Variants in RC3H1 observed in about 807,000 individuals in gnomAD.
RC3H1 encodes the protein ring finger and CCCH-type domains 1, also known as roquin-1.
In RC3H1, 50 loss-of-function variants were observed where a neutral mutation model predicts 138.2. The observed-to-expected ratio is 0.36, with a 90% CI of 0.29 to 0.46. The LOEUF (loss-of-function observed/expected upper bound fraction) is 0.46. Among genes scored for constraint, RC3H1 ranks in the 20% least tolerant of loss-of-function variants. RC3H1 has a pLI of 1.00. For missense variants in RC3H1, 1,031 were observed against 1,388.1 expected (o/e 0.74, Z 4.09); for synonymous variants, 462 against 489.1 (o/e 0.94, Z 0.73).
intron 9 of RC3H1, chr1:173,969,262 T>C (rs994863318): frequency 6.6e-6 from 1 of 151,272 alleles, no homozygotes; most frequent in African/African-American, 2.4e-5. Flanking sequence ...TGCAGAGTCA[T>C]GGCATCTATT....
chr1:173,952,138 ACTACAGATGGAG>A lies in RC3H1; in HGVS notation c.2371-12_2371-1del. 1 of 1,531,646 alleles carries A rather than the reference ACTACAGATGGAG, an allele frequency of 6.5e-7. No homozygotes were observed. The allele number at this position is 1,531,646 out of a possible 1,614,324, so 94.9% of individuals were successfully genotyped here. A position where few individuals can be genotyped will look rare whatever the true frequency, so the allele number is the denominator to read the frequency against. On this transcript the variant is annotated splice_acceptor_variant and splice_polypyrimidine_tract_variant and intron_variant, in intron 13 of 19. Transcript: ENST00000367696. LOFTEE classifies it high-confidence loss of function. Reference sequence around the variant, plus strand: ...GCTACCTTCAAGTCTTCATCCAAAAACTACAGATGGAGAAAGAAAAAAAACAAAAAAAAAAAA... The same window carrying A: ...GCTACCTTCAAGTCTTCATCCAAAAAAAAGAAAAAAAACAAAAAAAAAAAA...
intron 7 of RC3H1, among the ~76,000 whole-genome samples, chr1:173,976,452 CAAAA>C (rs575437385): frequency 3.6e-5 from 4 of 111,756 alleles, no homozygotes; most frequent in African/African-American, 1.4e-4. Flanking sequence ...ACTGTATCTC[CAAAA>C]AAAAAAAAAA....
At chr1:173,958,236 G>A (rs768904854) in intron 13 of RC3H1, among the ~76,000 whole-genome samples, 30 of 151,824 alleles carry the variant, frequency 2.0e-4, no homozygotes, top group Non-Finnish European at 3.7e-4. Context: ...AAACAAATAC[G>A]ATTACTTTAA....
chr1:174,003,888 C>T (rs1388467647), intron 1 of RC3H1, among the ~76,000 whole-genome samples: 1 of 151,736 alleles, frequency 6.6e-6, no homozygotes, highest in African/African-American at 2.4e-5. Context: ...GTCTTGATCT[C>T]CTGACCTTGT....
At chr1:173,987,504 TTC>T (rs1271655363) in intron 2 of RC3H1, among the ~76,000 whole-genome samples, 1 of 152,216 alleles carries the variant, frequency 6.6e-6, no homozygotes, top group African/African-American at 2.4e-5. Context: ...TTTTGAATAC[TTC>T]TCTATACTTT....
chr1:173,988,976 C>T (rs1322126814), intron 2 of RC3H1, among the ~76,000 whole-genome samples: 1 of 152,154 alleles, frequency 6.6e-6, no homozygotes, highest in Non-Finnish European at 1.5e-5. Flanking sequence ...CAATTGTTTT[C>T]TCACATTCTG....
Position 173,962,018 on chromosome 1 carries a change from G to T in RC3H1, c.1909C>A (p.Pro637Thr). 1 of 1,614,142 alleles carries T rather than the reference G, an allele frequency of 6.2e-7. No homozygotes were observed. The highest frequency in any genetic ancestry group is 8.5e-7 in the Non-Finnish European group (1 of 1,180,018). The part of the protein sequence containing the change: ...PPPSAPEPAP[P>T]YLDHYPPYLQ... ...TAGGGTGGATAATGATCCAAGTAGG[G>T]AGGAGCAGGTTCAGGAGCAGATGGT... is the stretch of plus-strand genomic sequence containing the variant. Residue 637 changes from proline (P) to threonine (T), a missense_variant, in exon 12 of 20, where the codon CCC becomes ACC. Pro to Thr is a conservative substitution (Grantham distance 38). This residue lies in a region of RC3H1 where 716 missense variants were observed against 837.9 expected (regional missense o/e 0.85). Transcript: ENST00000367696.
intron 2 of RC3H1, among the ~76,000 whole-genome samples, chr1:173,987,680 T>C (rs1027805596): frequency 1.3e-5 from 2 of 152,326 alleles, no homozygotes; most frequent in South Asian, 2.1e-4. Context: ...TTGTTCCTTC[T>C]AGGCCATCTT....
chr1:173,992,117 G>A (rs1023326044), intron 2 of RC3H1, among the ~76,000 whole-genome samples: 1 of 152,022 alleles, frequency 6.6e-6, no homozygotes, highest in East Asian at 1.9e-4. Context: ...TTTTCTCAAT[G>A]TTAAAAAAGG....
intron 1 of RC3H1, among the ~76,000 whole-genome samples, chr1:174,010,705 G>A (rs1410936436): frequency 1.3e-5 from 2 of 151,752 alleles, no homozygotes; most frequent in Non-Finnish European, 2.9e-5. Flanking sequence ...ACACAGCAAC[G>A]GTTTAACTGA....
chr1:173,989,146 C>A (rs1661158546), intron 2 of RC3H1, among the ~76,000 whole-genome samples: 1 of 152,208 alleles, frequency 6.6e-6, no homozygotes, highest in Admixed American at 6.5e-5. Flanking sequence ...GATGCTGCCA[C>A]CTCAGCCTCA....
intron 13 of RC3H1, among the ~76,000 whole-genome samples, chr1:173,956,974 T>C (rs575213423): frequency 2.6e-5 from 4 of 151,616 alleles, no homozygotes; most frequent in African/African-American, 9.7e-5. Context: ...AGTGCAGTGG[T>C]GCGATCTCGG....
intron 13 of RC3H1, among the ~76,000 whole-genome samples, chr1:173,954,988 A>C (rs1198349263): frequency 6.6e-6 from 1 of 152,000 alleles, no homozygotes; most frequent in Non-Finnish European, 1.5e-5. Flanking sequence ...GCACTTTGGG[A>C]GGCTGAGGCG....
At chr1:174,006,287 A>T (rs1346979528) in intron 1 of RC3H1, among the ~76,000 whole-genome samples, 1 of 152,170 alleles carries the variant, frequency 6.6e-6, no homozygotes, top group Non-Finnish European at 1.5e-5. Context: ...TCAGCAAGTT[A>T]TACTTTTTTA....
intron 18 of RC3H1, among the ~76,000 whole-genome samples, chr1:173,942,196 C>T (rs1007607272): frequency 1.3e-5 from 2 of 149,676 alleles, no homozygotes; most frequent in African/African-American, 2.5e-5. Flanking sequence ...GAGCTGAGAT[C>T]GTGCCACTGC....
chr1:173,978,376 C>A, intron 7 of RC3H1, 112 bp downstream of exon 7: 1 of 1,080,862 alleles, frequency 9.3e-7, no homozygotes, highest in Non-Finnish European at 1.3e-6. Flanking sequence ...TAAAAAAGAT[C>A]TGGAGTAACT....
At chr1:173,979,867 A>G (rs1660732794) in intron 6 of RC3H1, among the ~76,000 whole-genome samples, 1 of 152,134 alleles carries the variant, frequency 6.6e-6, no homozygotes, top group Non-Finnish European at 1.5e-5. Context: ...AACAACCTAC[A>G]TTGTAACTGA....
intron 8 of RC3H1, 139 bp downstream of exon 8, chr1:173,972,368 TAC>T: frequency 1.6e-6 from 1 of 609,240 alleles, no homozygotes; most frequent in South Asian, 2.3e-5. Context: ...CAAGGTAATT[TAC>T]AGTTTCTATA....
chr1:173,969,934 T>C (rs917598598), intron 9 of RC3H1, among the ~76,000 whole-genome samples: 3 of 152,002 alleles, frequency 2.0e-5, no homozygotes, highest in Admixed American at 1.3e-4. Flanking sequence ...ATTTTTTTTG[T>C]AGTGAAAATG....
Sources: gnomAD v4.1 joint callset for allele counts (sites outside exome capture counted in the v4.1 genomes callset) on GRCh38, gnomAD v4.1.1 for gene constraint, gnomAD v4.1.1 regional missense constraint, MANE v1.5 for transcripts, NCBI Gene and HGNC (gene_info 2026-07-23, HGNC 2026-07-21) for gene names.